OR1J2: variants seen among roughly 807,000 people sequenced by gnomAD.
The protein encoded by OR1J2 is olfactory receptor 1J2.
For synonymous variants in OR1J2, 142 were observed against 99.7 expected, an observed-to-expected ratio of 1.42 and a Z score of -2.52; for missense variants, 304 against 246.1, an observed-to-expected ratio of 1.24 and a Z score of -1.57.
the OR1J2 span, chr9:122,448,967 G>A: frequency 2.7e-5 from 3 of 112,788 alleles, no homozygotes; most frequent in African/African-American, 6.7e-5. Context: ...GCAAGACGCC[G>A]TGTCTACAAA....
chr9:122,519,056 T>G, the OR1J2 span: 4 of 916,002 alleles, frequency 4.4e-6, no homozygotes, highest in Admixed American at 2.2e-5. Flanking sequence ...AGGATCTTAT[T>G]CTTATCTGCT....
the OR1J2 span, among the ~76,000 whole-genome samples, chr9:122,529,944 G>A: frequency 6.6e-6 from 1 of 152,218 alleles, no homozygotes; most frequent in Non-Finnish European, 1.5e-5. Context: ...TTAATTTGAG[G>A]GGAAGAGCTC....
chr9:122,496,111 T>G, the OR1J2 span, among the ~76,000 whole-genome samples: 1 of 152,172 alleles, frequency 6.6e-6, no homozygotes, highest in Non-Finnish European at 1.5e-5. Context: ...AAGTTGACTG[T>G]GTGAGGGTCC....
the OR1J2 span, among the ~76,000 whole-genome samples, chr9:122,570,526 C>A: frequency 6.6e-6 from 1 of 152,178 alleles, no homozygotes; most frequent in Admixed American, 6.5e-5. Context: ...TGTATAAAAT[C>A]GAACACAAAT....
the OR1J2 span, among the ~76,000 whole-genome samples, chr9:122,495,535 GT>G: frequency 4.0e-5 from 6 of 151,158 alleles, no homozygotes; most frequent in East Asian, 1.9e-4. Flanking sequence ...ATTTCCAGAA[GT>G]TTTTTTTTAA....
chr9:122,555,196 A>G, the OR1J2 span, among the ~76,000 whole-genome samples: 12 of 152,238 alleles, frequency 7.9e-5, no homozygotes, highest in Non-Finnish European at 1.6e-4. Flanking sequence ...CTCTGAGATC[A>G]AGTTCATCCG....
the OR1J2 span, among the ~76,000 whole-genome samples, chr9:122,480,714 G>C: frequency 6.6e-6 from 1 of 151,984 alleles, no homozygotes; most frequent in African/African-American, 2.4e-5. Context: ...TCATCACCCA[G>C]GTATTAAGCT....
chr9:122,534,245 C>G, the OR1J2 span, among the ~76,000 whole-genome samples: 1,815 of 152,052 alleles, frequency 0.012, 44 homozygotes, highest in African/African-American at 0.042. Context: ...TTAATTAAGT[C>G]CTGTTGTGGG....
chr9:122,506,042 C>A (rs1159974178), upstream of OR1J2, among the ~76,000 whole-genome samples: 6 of 152,152 alleles, frequency 3.9e-5, no homozygotes, highest in African/African-American at 1.4e-4. Flanking sequence ...CAAGTCACTT[C>A]CTTTGGGCTA....
At chr9:122,517,477 T>A in the OR1J2 span, among the ~76,000 whole-genome samples, 1 of 152,232 alleles carries the variant, frequency 6.6e-6, no homozygotes, top group African/African-American at 2.4e-5. Flanking sequence ...AAGCAAAGAA[T>A]TTTAAGCCTA....
At chr9:122,527,566 T>G in the OR1J2 span, among the ~76,000 whole-genome samples, 1 of 152,168 alleles carries the variant, frequency 6.6e-6, no homozygotes, top group Non-Finnish European at 1.5e-5. Flanking sequence ...CTTAGACTAG[T>G]CTATAGCCTC....
the OR1J2 span, among the ~76,000 whole-genome samples, chr9:122,504,267 T>C: frequency 6.6e-6 from 1 of 152,226 alleles, no homozygotes; most frequent in African/African-American, 2.4e-5. Flanking sequence ...GAAACACTGC[T>C]TTGCAACTCT....
At chr9:122,487,879 AT>A in the OR1J2 span, among the ~76,000 whole-genome samples, 55 of 152,058 alleles carry the variant, frequency 3.6e-4, no homozygotes, top group Non-Finnish European at 5.0e-4. Context: ...TTATGTACAG[AT>A]TTTTTTTATT....
the OR1J2 span, chr9:122,519,444 T>C: frequency 1.2e-6 from 2 of 1,614,222 alleles, no homozygotes; most frequent in Non-Finnish European, 8.5e-7. Flanking sequence ...AACTCAGATG[T>C]ATTTTTTCAT....
At chr9:122,527,015 CG>C in the OR1J2 span, 18 of 1,614,110 alleles carry the variant, frequency 1.1e-5, no homozygotes, top group Non-Finnish European at 1.5e-5. Flanking sequence ...TGAGGCAACC[CG>C]TATAGGAGAT....
chr9:122,500,588 G>C, the OR1J2 span, among the ~76,000 whole-genome samples: 1 of 152,310 alleles, frequency 6.6e-6, no homozygotes, highest in East Asian at 1.9e-4. Context: ...ATGGCCATGA[G>C]AAAAGATGAC....
At chr9:122,458,381 G>T in the OR1J2 span, among the ~76,000 whole-genome samples, 1 of 152,056 alleles carries the variant, frequency 6.6e-6, no homozygotes, top group Non-Finnish European at 1.5e-5. Flanking sequence ...TATTTTGATG[G>T]GTTCAAAAAG....
the OR1J2 span, among the ~76,000 whole-genome samples, chr9:122,473,554 A>G: frequency 1.3e-5 from 2 of 152,188 alleles, no homozygotes; most frequent in African/African-American, 2.4e-5. Context: ...CCTATTGGAT[A>G]TATTTACTTT....
At chr9:122,559,315 T>A in the OR1J2 span, among the ~76,000 whole-genome samples, 2 of 151,958 alleles carry the variant, frequency 1.3e-5, no homozygotes, top group African/African-American at 2.4e-5. Context: ...TATTTTTTTT[T>A]ATTTTACTTT....
Sources: allele counts gnomAD v4.1 joint callset (sites outside exome capture counted in the v4.1 genomes callset), GRCh38; gene constraint gnomAD v4.1.1; transcripts MANE v1.5; gene names NCBI Gene and HGNC (gene_info 2026-07-23, HGNC 2026-07-21).